FRY: variants seen among roughly 807,000 people sequenced by gnomAD.
FRY encodes FRY microtubule binding protein.
FRY carries 128 observed loss-of-function variants against 348.4 expected under a neutral mutation model. The observed-to-expected ratio is 0.37, with a 90% confidence interval of 0.32 to 0.43. The LOEUF (loss-of-function observed/expected upper bound fraction) is 0.43, where lower values mean the gene tolerates loss of function less well. Ranked by LOEUF, FRY falls within the 20% of genes least tolerant of loss-of-function variation. The pLI, the probability that FRY is intolerant of heterozygous loss-of-function variation, is 1.00. For synonymous variants in FRY, 1,370 were observed against 1,374.7 expected (o/e 1.00, Z 0.08); for missense variants, 2,736 against 3,695.2 (o/e 0.74, Z 6.73).
chr13:32,278,712 C>T, intron 58 of FRY, 164 bp downstream of exon 58: 1 of 736,984 alleles, frequency 1.4e-6, no homozygotes, highest in South Asian at 1.4e-5. Flanking sequence ...TCCAGCATGA[C>T]TGTGTGTTGA....
At chr13:32,230,742 C>T (rs973317726) in intron 40 of FRY, among the ~76,000 whole-genome samples, 2 of 152,184 alleles carry the variant, frequency 1.3e-5, no homozygotes, top group African/African-American at 2.4e-5. Flanking sequence ...ACACTGTCTT[C>T]CACAATGGTT....
chr13:32,156,450 A>G (rs2476719), intron 15 of FRY, among the ~76,000 whole-genome samples: 57,979 of 151,816 alleles, frequency 0.38, 11,199 homozygotes, highest in Middle Eastern at 0.44. Flanking sequence ...AAAAATACAA[A>G]ATTAGCTGGG....
chr13:32,207,951 G>A (rs993341755), intron 31 of FRY, among the ~76,000 whole-genome samples: 7 of 152,178 alleles, frequency 4.6e-5, no homozygotes, highest in African/African-American at 1.7e-4. Context: ...ATGAGAGATA[G>A]GAGATTACAT....
intron 16 of FRY, among the ~76,000 whole-genome samples, chr13:32,158,897 G>A (rs1192266039): frequency 1.5e-5 from 2 of 135,354 alleles, no homozygotes; most frequent in East Asian, 2.3e-4. Flanking sequence ...CAGCCTGGGC[G>A]ACAGTGAAAC....
At chr13:32,220,008 A>G (rs1294418296) in intron 36 of FRY, among the ~76,000 whole-genome samples, 1 of 152,198 alleles carries the variant, frequency 6.6e-6, no homozygotes, top group African/African-American at 2.4e-5. Context: ...GAGCAGATAC[A>G]GAGTATTAAT....
rs2072091384 is a variant in FRY, at chr13:32,297,975, C to T, written c.*2515C>T. The T allele has an allele frequency of 6.6e-6, 1 of 152,202 alleles. No homozygotes were observed. Among genetic ancestry groups the T allele is most frequent in the Non-Finnish European group, 1.5e-5 (1 of 68,048 alleles). The allele number at this position is 152,202 out of a possible 1,614,324, so 9.4% of individuals were successfully genotyped here. A position where few individuals can be genotyped will look rare whatever the true frequency, so the allele number is the denominator to read the frequency against. ...CAGGCGCTCTGTAACTTAGACATCA[C>T]TTGATTAAAATTATAGTCTCCAAAT... On this transcript the variant is annotated 3_prime_UTR_variant, in exon 61 of 61. Transcript: ENST00000542859.
rs745485045 is a variant in FRY, at chr13:32,231,274, T to C, written c.5501T>C (p.Val1834Ala). 8 of 1,613,580 alleles carry C rather than the reference T, an allele frequency of 5.0e-6. No individual in the cohort carries two copies. The South Asian group carries it at 8.8e-5, about 18-fold the overall frequency. The change falls in exon 41 of 61, where the codon GTA becomes GCA. Residue 1834 changes from valine to alanine, a missense_variant. Transcript: ENST00000542859. ...EQLTNFLRHV[V>A]SVFKDSKSGF... ...CTCACTAATTTTCTACGTCACGTTGTATCTGTATTTAAAGATTCCAAATCA... is the reference window on the plus strand; with the variant it reads ...CTCACTAATTTTCTACGTCACGTTGCATCTGTATTTAAAGATTCCAAATCA...
chr13:32,164,174 T>A (rs1418544719), intron 17 of FRY, among the ~76,000 whole-genome samples: 1 of 152,024 alleles, frequency 6.6e-6, no homozygotes, highest in African/African-American at 2.4e-5. Context: ...TAAATGTGGG[T>A]TTCAAGTGCC....
At chr13:32,203,264 G>A (rs1884149938) in intron 31 of FRY, among the ~76,000 whole-genome samples, 1 of 152,156 alleles carries the variant, frequency 6.6e-6, no homozygotes, top group African/African-American at 2.4e-5. Context: ...GATAGTGGTG[G>A]TGTTTTGTAG....
At chr13:32,062,335 G>T (rs893705123) in intron 1 of FRY, among the ~76,000 whole-genome samples, 3 of 151,992 alleles carry the variant, frequency 2.0e-5, no homozygotes, top group South Asian at 2.1e-4. Context: ...GTTACTGACC[G>T]TTAGTGTATT....
Position 32,144,441 on chromosome 13 carries a change from G to C in FRY, c.1180-2841G>C, listed in dbSNP as rs193237257. ...GAATAATTAAAATGATGTTGTATTA[G>C]TACTTGAATAGACAGACTAGTAGAA... On this transcript the variant is annotated intron_variant, in intron 11 of 60. Coordinates refer to ENST00000542859, the MANE Select transcript of FRY (RefSeq NM_023037.3). Among the ~76,000 whole-genome samples the C allele has an allele frequency of 2.7e-5, 4 of 150,844 alleles. No individual in the cohort carries two copies. The East Asian group carries it at 7.8e-4, about 29-fold the overall frequency.
At chr13:32,140,054 A>G (rs1463212605) in intron 11 of FRY, among the ~76,000 whole-genome samples, 1 of 151,750 alleles carries the variant, frequency 6.6e-6, no homozygotes, top group Non-Finnish European at 1.5e-5. Flanking sequence ...TATAAAAATG[A>G]ATATAATATA....
intron 2 of FRY, among the ~76,000 whole-genome samples, chr13:32,081,090 G>T (rs1156457189): frequency 2.6e-5 from 4 of 152,132 alleles, no homozygotes; most frequent in African/African-American, 9.7e-5. Context: ...ATAAGGATTA[G>T]ATCTGAAAAA....
chr13:32,200,522 G>C (rs1207582110), intron 29 of FRY, among the ~76,000 whole-genome samples: 2 of 152,156 alleles, frequency 1.3e-5, no homozygotes, highest in African/African-American at 4.8e-5. Flanking sequence ...AGGAGGTGAA[G>C]ACAGCAGTGA....
intron 35 of FRY, among the ~76,000 whole-genome samples, chr13:32,214,332 C>T (rs563834108): frequency 1.8e-3 from 279 of 152,356 alleles, no homozygotes; most frequent in African/African-American, 6.3e-3. Context: ...GTATCTCTTA[C>T]ACCAAGCTTG....
chr13:32,125,918 G>T (rs376722564), intron 7 of FRY, among the ~76,000 whole-genome samples: 2 of 152,098 alleles, frequency 1.3e-5, no homozygotes, highest in East Asian at 3.8e-4. Flanking sequence ...ACCGCTGGTG[G>T]CAACAGAAAG....
At chr13:32,123,666 G>A (rs1434191463) in intron 4 of FRY, among the ~76,000 whole-genome samples, 2 of 152,218 alleles carry the variant, frequency 1.3e-5, no homozygotes, top group Non-Finnish European at 2.9e-5. Flanking sequence ...GAATTGCAGA[G>A]TTGAAAGCTA....
At chr13:32,245,766 G>A (rs1016635736) in intron 47 of FRY, among the ~76,000 whole-genome samples, 7 of 127,898 alleles carry the variant, frequency 5.5e-5, no homozygotes, top group Non-Finnish European at 5.6e-5. Flanking sequence ...AGTAGAGAGC[G>A]CCTAGCTCAA....
At chr13:32,227,814 C>G (rs1001667999) in intron 39 of FRY, among the ~76,000 whole-genome samples, 2 of 150,186 alleles carry the variant, frequency 1.3e-5, no homozygotes, top group Non-Finnish European at 3.0e-5. Flanking sequence ...CGCAGCGGCG[C>G]GATCTCAGCT....
Sources: allele counts gnomAD v4.1 joint callset (sites outside exome capture counted in the v4.1 genomes callset), GRCh38; gene constraint gnomAD v4.1.1; transcripts MANE v1.5; gene names NCBI Gene and HGNC (gene_info 2026-07-23, HGNC 2026-07-21).